Variants in FGA observed in about 807,000 individuals in gnomAD.
FGA encodes the protein fibrinogen alpha chain.
In FGA, 20 loss-of-function variants were observed where a neutral mutation model predicts 20.3. That is an observed-to-expected ratio of 0.99 (90% confidence interval 0.69 to 1.43). The LOEUF is 1.43. Ranked by LOEUF, FGA falls within the 40% of genes most tolerant of loss-of-function variation. The pLI, the probability that FGA is intolerant of heterozygous loss-of-function variation, is 0.00. For missense variants in FGA, 777 were observed against 784.7 expected (o/e 0.99, Z 0.12); for synonymous variants, 306 against 281.6 (o/e 1.09, Z -0.87).
In FGA at chr4:154,586,643, C is replaced by T. The variant is rs976295896; in HGVS notation, c.786G>A (p.Glu262=). 1.2e-6 allele frequency: 2 copies of T among 1,614,190 alleles called. No homozygotes were observed. The highest frequency in any genetic ancestry group is 1.7e-6 in the Non-Finnish European group (2 of 1,180,030). ...GAGTAATCTCATTTCCACCAGGTCT[C>T]TCTAACTCCATTCTCATCTGCGGCA... The part of the protein sequence containing the change: ...TDMPQMRMEL[E]RPGGNEITRG... The change falls in exon 5 of 5, where the codon GAG becomes GAA. Residue 262 remains glutamate (E), a synonymous_variant. Transcript: ENST00000403106.
intron 4 of FGA, 96 bp downstream of exon 4, chr4:154,587,416 T>C (rs1730752765): frequency 2.6e-6 from 3 of 1,154,530 alleles, no homozygotes; most frequent in East Asian, 4.7e-5. Context: ...TATAACACTT[T>C]TCTCTGCATA....
downstream of FGA, chr4:154,584,292 G>A (rs755556353): frequency 6.2e-7 from 1 of 1,614,144 alleles, no homozygotes. Context: ...CTGCTTGGCA[G>A]TTATTATACC....
intron 2 of FGA, 114 bp from the exon 3 acceptor site, chr4:154,589,090 G>T: frequency 1.0e-6 from 1 of 960,606 alleles, no homozygotes; most frequent in Non-Finnish European, 1.6e-6. Flanking sequence ...CAGATAAGTT[G>T]GCTTAAAAGT....
chr4:154,588,436 C>G (rs1422049170), intron 3 of FGA, among the ~76,000 whole-genome samples: 1 of 152,124 alleles, frequency 6.6e-6, no homozygotes, highest in African/African-American at 2.4e-5. Context: ...TGAACAAGTT[C>G]CTTGACCTCT....
chr4:154,590,017 T>C (rs1203027198), intron 1 of FGA, among the ~76,000 whole-genome samples: 1 of 152,250 alleles, frequency 6.6e-6, no homozygotes, highest in Non-Finnish European at 1.5e-5. Flanking sequence ...TGTTCCTCTC[T>C]CCTTCAAGTT....
intron 4 of FGA, 95 bp from the exon 5 acceptor site, chr4:154,587,013 C>A: frequency 7.6e-7 from 1 of 1,323,744 alleles, no homozygotes; most frequent in South Asian, 1.2e-5. Flanking sequence ...CTTCTGGAAA[C>A]TGGTTTCATT....
chr4:154,590,648 C>A lies in FGA; in HGVS notation c.40G>T (p.Val14Leu). ...AAGGGCCATACCCATGCTGTGCCCA[C>A]CACACTTAGGACCAGGCAGACGATC... The part of the protein sequence containing the change: ...MRIVCLVLSV[V>L]GTAWTADSGE... Residue 14 changes from valine (V) to leucine (L), a missense_variant, in exon 1 of 5, where the codon GTG becomes TTG. Val to Leu is a conservative substitution (Grantham distance 32). Transcript: ENST00000403106. 6.4e-7 allele frequency: 1 copy of A among 1,558,280 alleles called. No individual in the cohort carries two copies. Among genetic ancestry groups the A allele is most frequent in the Non-Finnish European group, 8.7e-7 (1 of 1,150,316 alleles).
At position 154,588,793 on chromosome 4, in the gene FGA, T is replaced by C. The variant is rs1730797437; in HGVS notation, c.364A>G (p.Asn122Asp). The C allele has an allele frequency of 6.2e-7, 1 of 1,601,448 alleles. No individual in the cohort carries two copies. Among genetic ancestry groups the C allele is most frequent in the South Asian group, 1.1e-5 (1 of 90,778 alleles). Reference protein sequence around the residue: ...ILRGDFSSANNRDNTYNRVSE... With the variant: ...ILRGDFSSANDRDNTYNRVSE... ...AAAGCAGTAAATATGTAATACTTAC[T>C]ATTGGCTGAGGAAAAATCGCCTCTC... The change falls in exon 3 of 5, where the codon AAC becomes GAC. Residue 122 changes from asparagine to aspartate, a missense_variant and splice_region_variant. Transcript: ENST00000403106.
At position 154,585,742 on chromosome 4, in the gene FGA, G is replaced by A. The variant is rs937074051; in HGVS notation, c.1687C>T (p.His563Tyr). 6 of 1,614,078 alleles carry A rather than the reference G, an allele frequency of 3.7e-6. No homozygotes were observed. The African/African-American group carries it at 8.0e-5, about 22-fold the overall frequency. ...IFTNTKESSSHHPGIAEFPSR... is the reference protein window; with the variant it reads ...IFTNTKESSSYHPGIAEFPSR... ...GGGAATTCAGCTATCCCAGGGTGAT[G>A]AGAACTGGATTCCTTTGTATTTGTG... The change falls in exon 5 of 5, where the codon CAT (histidine) becomes TAT (tyrosine). Residue 563 changes from histidine to tyrosine, a missense_variant. Coordinates refer to ENST00000403106, the MANE Select transcript of FGA (RefSeq NM_021871.4).
rs1730704533 is a variant in FGA, at chr4:154,586,068, G to T, written c.1361C>A (p.Thr454Lys). Residue 454 changes from threonine to lysine, a missense_variant, in exon 5 of 5, where the codon ACA (threonine) becomes AAA (lysine). By Grantham distance (78) the Thr-to-Lys change is moderately conservative (BLOSUM62 -1). Transcript: ENST00000403106. Reference protein sequence around the residue: ...TGKEKVTSGSTTTTRRSCSKT... With the variant: ...TGKEKVTSGSKTTTRRSCSKT... ...AGAGCATGAACGACGCGTGGTGGTTGTGCTACCAGAGGTGACCTTCTCTTT... is the reference window on the plus strand; with the variant it reads ...AGAGCATGAACGACGCGTGGTGGTTTTGCTACCAGAGGTGACCTTCTCTTT... 2 of 1,614,048 alleles carry T rather than the reference G, an allele frequency of 1.2e-6. No homozygotes were observed. The highest frequency in any genetic ancestry group is 2.7e-5 in the African/African-American group (2 of 74,930).
chr4:154,584,110 C>G, downstream of FGA: 1 of 1,596,134 alleles, frequency 6.3e-7, no homozygotes, highest in Non-Finnish European at 8.6e-7. Context: ...TGCTCCCATT[C>G]CCACTTCTTC....
Position 154,586,495 on chromosome 4 carries a change from T to A in FGA, c.934A>T (p.Ser312Cys). ...PGSTGNRNPGSSGTGGTATWK... is the reference protein window; with the variant it reads ...PGSTGNRNPGCSGTGGTATWK... ...GTTGCAGTCCCTCCAGTCCCAGAGC[T>A]CCCAGGGTTTCGGTTTCCAGTACTT... The change falls in exon 5 of 5, where the codon AGC (serine) becomes TGC (cysteine). Residue 312 changes from serine (S) to cysteine (C), a missense_variant. By Grantham distance (112) the Ser-to-Cys change is moderately radical. Coordinates refer to ENST00000403106, the MANE Select transcript of FGA (RefSeq NM_021871.4). 6.2e-7 allele frequency: 1 copy of A among 1,613,758 alleles called. No homozygotes were observed. The highest frequency in any genetic ancestry group is 8.5e-7 in the Non-Finnish European group (1 of 1,179,962).
chr4:154,590,664 G>T lies in FGA; in HGVS notation c.24C>A (p.Cys8Ter), dbSNP rs1250962091. ...CTGTGCCCACCACACTTAGGACCAG[G>T]CAGACGATCCTCATGGAAAACATCT... is the stretch of plus-strand genomic sequence containing the variant. MFSMRIV[C>*]LVLSVVGTAW... Residue 8 changes from cysteine (C) to a stop codon, truncating the protein, a stop_gained, in exon 1 of 5, where the codon TGC becomes TGA. Transcript: ENST00000403106. LOFTEE classifies it high-confidence loss of function. The T allele has an allele frequency of 6.4e-7, 1 of 1,558,542 alleles. No homozygotes were observed. Among genetic ancestry groups the T allele is most frequent in the South Asian group, 1.2e-5 (1 of 84,486 alleles).
intron 2 of FGA, 128 bp downstream of exon 2, chr4:154,589,309 A>G: frequency 8.8e-7 from 1 of 1,139,448 alleles, no homozygotes; most frequent in Non-Finnish European, 1.3e-6. Flanking sequence ...CCTTTTCTTT[A>G]TTTGCTATGT....
Position 154,586,168 on chromosome 4 carries a change from T to C in FGA, c.1261A>G (p.Ser421Gly). 2 of 1,614,174 alleles carry C rather than the reference T, an allele frequency of 1.2e-6. No individual in the cohort carries two copies. Among genetic ancestry groups the C allele is most frequent in the Non-Finnish European group, 1.7e-6 (2 of 1,180,040 alleles). The part of the protein sequence containing the change: ...GTFEEVSGNV[S>G]PGTRREYHTE... ...TGGTACTCTCTCCTTGTCCCTGGAC[T>C]TACATTTCCTGACACCTCTTCAAAT... The change falls in exon 5 of 5, where the codon AGT becomes GGT. Residue 421 changes from serine to glycine, a missense_variant. Physicochemically the swap from Ser to Gly is moderately conservative, Grantham distance 56 (BLOSUM62 0). Transcript: ENST00000403106.
chr4:154,584,669 T>TAAA (rs753284556), downstream of FGA: 6 of 1,614,148 alleles, frequency 3.7e-6, no homozygotes, highest in Non-Finnish European at 4.2e-6. Flanking sequence ...CAGGTCCGGT[T>TAAA]AAAATTCAGT....
At chr4:154,584,937 C>G, downstream of FGA, 1 of 916,818 alleles carries the variant, frequency 1.1e-6, no homozygotes, top group East Asian at 2.6e-5. Context: ...CTTTCCCTTC[C>G]TTTCTTTCTT....
chr4:154,589,341 C>A, intron 2 of FGA, 96 bp downstream of exon 2: 1 of 1,442,788 alleles, frequency 6.9e-7, no homozygotes, highest in Non-Finnish European at 9.7e-7. Context: ...CAATTATTTT[C>A]TATTTAAAAA....
At chr4:154,590,111 T>C (rs1730832685) in intron 1 of FGA, among the ~76,000 whole-genome samples, 1 of 152,212 alleles carries the variant, frequency 6.6e-6, no homozygotes, top group Non-Finnish European at 1.5e-5. Context: ...AACTAATCTC[T>C]TCTGATACTG....
Sources: allele counts gnomAD v4.1 joint callset (sites outside exome capture counted in the v4.1 genomes callset), GRCh38; gene constraint gnomAD v4.1.1; transcripts MANE v1.5; gene names NCBI Gene and HGNC (gene_info 2026-07-23, HGNC 2026-07-21).